Variants in OSBPL1A observed in about 807,000 individuals in gnomAD.
OSBPL1A encodes oxysterol-binding protein-related protein 1.
A neutral mutation model predicts 137.1 loss-of-function variants in OSBPL1A; 80 were observed. The observed-to-expected ratio is 0.58, with a 90% CI of 0.49 to 0.70. The LOEUF (loss-of-function observed/expected upper bound fraction) is 0.70, where lower values mean the gene tolerates loss of function less well. Ranked by LOEUF, OSBPL1A falls within the 30% of genes least tolerant of loss-of-function variation. The pLI is 0.00. For missense variants in OSBPL1A, 970 were observed against 1,129.4 expected (o/e 0.86, Z 2.02); for synonymous variants, 365 against 389.7 (o/e 0.94, Z 0.75).
chr18:24,169,786 G>A (rs1026953008), intron 24 of OSBPL1A, among the ~76,000 whole-genome samples: 1 of 152,202 alleles, frequency 6.6e-6, no homozygotes, highest in Non-Finnish European at 1.5e-5. Flanking sequence ...TTGGGACCAC[G>A]CGACAAGAAG....
chr18:24,219,636 A>G (rs544761346), intron 17 of OSBPL1A, among the ~76,000 whole-genome samples: 9 of 152,098 alleles, frequency 5.9e-5, no homozygotes, highest in Non-Finnish European at 1.2e-4. Flanking sequence ...GAGTCTGGTG[A>G]AAGTATGTCT....
At chr18:24,285,561 T>C (rs143527039) in intron 14 of OSBPL1A, among the ~76,000 whole-genome samples, 356 of 152,340 alleles carry the variant, frequency 2.3e-3, no homozygotes, top group Non-Finnish European at 4.1e-3. Flanking sequence ...TTTCCATCAT[T>C]TGGGACAAGT....
At chr18:24,334,092 TAGATATTA>T (rs1471602433) in intron 6 of OSBPL1A, among the ~76,000 whole-genome samples, 145 bp downstream of exon 6, 4 of 152,186 alleles carry the variant, frequency 2.6e-5, no homozygotes, top group Admixed American at 1.3e-4. Flanking sequence ...TGAGTGTTTT[TAGATATTA>T]AGAACTTTGG....
intron 7 of OSBPL1A, among the ~76,000 whole-genome samples, chr18:24,322,213 TATTCTCCTGCCTCAGC>T (rs1312124845): frequency 4.6e-5 from 7 of 150,662 alleles, no homozygotes; most frequent in South Asian, 4.2e-4. Flanking sequence ...GGGTTCATGC[TATTCTCCTGCCTCAGC>T]CTCCTGAGTA....
At chr18:24,218,862 C>T (rs570328713) in intron 17 of OSBPL1A, among the ~76,000 whole-genome samples, 100 of 152,158 alleles carry the variant, frequency 6.6e-4, no homozygotes, top group African/African-American at 2.1e-3. Flanking sequence ...TATATTAGCT[C>T]GATTCATCCA....
At position 24,328,218 on chromosome 18, in the gene OSBPL1A, A is replaced by ATTTTTTTTTT. The variant is rs564798076; in HGVS notation, c.625+4714_625+4723dup. ...CCACCACGCCCGGCTAATTTTTTGT[A>ATTTTTTTTTT]TTTTTTTTTTTTTTTTTTTTTTTTT... On this transcript the variant is annotated intron_variant, in intron 7 of 27. Transcript: ENST00000319481. Among the ~76,000 whole-genome samples, 62 of 48,606 alleles carry ATTTTTTTTTT rather than the reference A, an allele frequency of 1.3e-3. 1 individual carries two copies. Among genetic ancestry groups the ATTTTTTTTTT allele is most frequent in the Non-Finnish European group, 1.6e-3 (44 of 26,772 alleles). 31.9% of individuals were successfully genotyped at this position (48,606 alleles called of 152,430 possible).
At chr18:24,385,979 C>T (rs1053802468) in intron 1 of OSBPL1A, among the ~76,000 whole-genome samples, 11 of 152,174 alleles carry the variant, frequency 7.2e-5, no homozygotes, top group Non-Finnish European at 1.3e-4. Context: ...CAAGAAAGCA[C>T]TGCACCAAGG....
At chr18:24,390,267 C>T (rs1295533032) in intron 1 of OSBPL1A, among the ~76,000 whole-genome samples, 1 of 152,116 alleles carries the variant, frequency 6.6e-6, no homozygotes. Context: ...TGGGTATATA[C>T]CCAAAAGAAC....
At chr18:24,239,183 A>C in intron 16 of OSBPL1A, 37 bp downstream of exon 16, 1 of 1,603,844 alleles carries the variant, frequency 6.2e-7, no homozygotes, top group Non-Finnish European at 8.5e-7. Context: ...TGGACTCTAA[A>C]TCACCAACAA....
intron 18 of OSBPL1A, among the ~76,000 whole-genome samples, chr18:24,195,760 G>A (rs376467563): frequency 9.9e-5 from 15 of 152,206 alleles, no homozygotes; most frequent in African/African-American, 1.7e-4. Flanking sequence ...TTCCAAATAC[G>A]AAAACTTGCT....
intron 17 of OSBPL1A, among the ~76,000 whole-genome samples, chr18:24,200,839 T>C (rs1395404204): frequency 6.6e-6 from 1 of 151,766 alleles, no homozygotes; most frequent in East Asian, 1.9e-4. Flanking sequence ...GCAGAGGGAG[T>C]AGAGAAATTT....
At chr18:24,305,557 T>C (rs9989557) in intron 13 of OSBPL1A, among the ~76,000 whole-genome samples, 17,518 of 152,326 alleles carry the variant, frequency 0.12, 1,166 homozygotes, top group South Asian at 0.16. Context: ...AGTTATATTT[T>C]GAAAAACTAA....
At chr18:24,197,781 CTTTTCTT>C (rs1384961991) in intron 17 of OSBPL1A, among the ~76,000 whole-genome samples, 16 of 140,026 alleles carry the variant, frequency 1.1e-4, no homozygotes, top group African/African-American at 3.9e-4. Flanking sequence ...TTGTTCTTTT[CTTTTCTT>C]TTTTTTTTTT....
At chr18:24,248,471 T>C (rs190414011) in intron 15 of OSBPL1A, among the ~76,000 whole-genome samples, 90 of 152,246 alleles carry the variant, frequency 5.9e-4, no homozygotes, top group African/African-American at 2.0e-3. Context: ...TTCAACCTGG[T>C]TCAAGCAAAG....
chr18:24,382,787 G>A (rs1906691645), intron 1 of OSBPL1A, among the ~76,000 whole-genome samples: 1 of 151,822 alleles, frequency 6.6e-6, no homozygotes, highest in Non-Finnish European at 1.5e-5. Context: ...GAGGTGGAAG[G>A]ATCACCTGAG....
At chr18:24,181,392 T>C (rs1018888696) in intron 18 of OSBPL1A, 113 bp from the exon 19 acceptor site, 4 of 1,157,444 alleles carry the variant, frequency 3.5e-6, no homozygotes, top group Non-Finnish European at 4.8e-6. Context: ...TAGCAACCCA[T>C]GAAATTTCAT....
intron 1 of OSBPL1A, among the ~76,000 whole-genome samples, chr18:24,393,013 G>A (rs528240494): frequency 4.1e-4 from 62 of 152,088 alleles, no homozygotes; most frequent in African/African-American, 1.5e-3. Flanking sequence ...TTAATGGTGT[G>A]TTTTCTCCTG....
At position 24,271,905 on chromosome 18, in the gene OSBPL1A, C is replaced by T; in HGVS notation, c.1281+8937G>A. On this transcript the variant is annotated intron_variant, in intron 15 of 27. Transcript: ENST00000319481. The surrounding 1 kb of genome is among the most constrained non-coding windows in gnomAD (Gnocchi z 4.0). ...ACTCCCGCGCCGCGCCCGCCCGGGCCGCAGAGGTCTGCGCTGCCCCTCCGC... is the reference window on the plus strand; with the variant it reads ...ACTCCCGCGCCGCGCCCGCCCGGGCTGCAGAGGTCTGCGCTGCCCCTCCGC... 1.0e-6 allele frequency: 1 copy of T among 984,376 alleles called. No individual in the cohort carries two copies. Among genetic ancestry groups the T allele is most frequent in the Non-Finnish European group, 1.2e-6 (1 of 829,656 alleles). 61.0% of individuals were successfully genotyped at this position (984,376 alleles called of 1,614,324 possible). A position where few individuals can be genotyped will look rare whatever the true frequency, so the allele number is the denominator to read the frequency against.
At chr18:24,312,996 T>C (rs2146114683) in intron 12 of OSBPL1A, among the ~76,000 whole-genome samples, 1 of 151,282 alleles carries the variant, frequency 6.6e-6, no homozygotes, top group East Asian at 2.0e-4. Flanking sequence ...TGGTGGTACA[T>C]GCCTGTAATC....
Sources: gnomAD v4.1 joint callset for allele counts (sites outside exome capture counted in the v4.1 genomes callset) on GRCh38, gnomAD v4.1.1 for gene constraint, Gnocchi (gnomAD v3.1) non-coding constraint, MANE v1.5 for transcripts, NCBI Gene and HGNC (gene_info 2026-07-23, HGNC 2026-07-21) for gene names.